Variants in SPAG9 observed in about 807,000 individuals in gnomAD.
SPAG9 encodes sperm associated antigen 9, also known as C-Jun-amino-terminal kinase-interacting protein 4.
In SPAG9, 35 loss-of-function variants were observed where a neutral mutation model predicts 166.5. The observed-to-expected ratio is 0.21, with a 90% CI of 0.16 to 0.28. The LOEUF is 0.28. Ranked by LOEUF, SPAG9 falls within the 10% of genes least tolerant of loss-of-function variation. The probability of loss-of-function intolerance (pLI) is 1.00; values close to 1 mark genes in which losing one functional copy is unlikely to be tolerated. For synonymous variants in SPAG9, 534 were observed against 565.5 expected, an observed-to-expected ratio of 0.94 and a Z score of 0.79; for missense variants, 1,235 against 1,603.3, an observed-to-expected ratio of 0.77 and a Z score of 3.92.
intron 8 of SPAG9, chr17:51,014,558 G>C: frequency 2.1e-6 from 1 of 466,402 alleles, no homozygotes; most frequent in Non-Finnish European, 3.8e-6. Context: ...AGAAATTATA[G>C]AATGTTTTTG....
chr17:51,011,582 C>A (rs2045992729), intron 9 of SPAG9, among the ~76,000 whole-genome samples: 4 of 152,030 alleles, frequency 2.6e-5, no homozygotes, highest in African/African-American at 9.7e-5. Context: ...GGGGTTTCAC[C>A]ATGTTGGCCA....
At chr17:51,100,090 ACT>A (rs1183312730) in intron 1 of SPAG9, among the ~76,000 whole-genome samples, 4 of 151,862 alleles carry the variant, frequency 2.6e-5, no homozygotes, top group South Asian at 2.1e-4. Context: ...ACAGAGTGAG[ACT>A]CTGTCTCCAA....
chr17:51,008,589 C>T (rs775458476), intron 9 of SPAG9, among the ~76,000 whole-genome samples: 10 of 152,066 alleles, frequency 6.6e-5, no homozygotes, highest in Non-Finnish European at 1.3e-4. Context: ...TTAAAAATTA[C>T]TTAAAACAAA....
chr17:51,046,721 G>C (rs939360376), intron 4 of SPAG9: 8 of 1,535,842 alleles, frequency 5.2e-6, no homozygotes, highest in Non-Finnish European at 6.1e-6. Flanking sequence ...GGCCAAAGGG[G>C]TATCTTTGTA....
In SPAG9 at chr17:51,006,177, C is replaced by G; in HGVS notation, c.1332G>C (p.Glu444Asp). 6.2e-7 allele frequency: 1 copy of G among 1,614,228 alleles called. No individual in the cohort carries two copies. The highest frequency in any genetic ancestry group is 8.5e-7 in the Non-Finnish European group (1 of 1,180,022). Residue 444 changes from glutamate to aspartate, a missense_variant, in exon 11 of 30, where the codon GAG (glutamate) becomes GAC (aspartate). By Grantham distance (45) the Glu-to-Asp change is conservative (BLOSUM62 2). Coordinates refer to ENST00000262013, the MANE Select transcript of SPAG9 (RefSeq NM_001130528.3). Reference protein sequence around the residue: ...LIAKVDELTCEKDVLQGELEA... With the variant: ...LIAKVDELTCDKDVLQGELEA... ...CCAATTCCCCTTGCAGCACATCTTT[C>G]TCACAGGTCAGTTCATCCACTTTTG...
rs1219566936 is a variant in SPAG9 at position 51,077,041 on chromosome 17, T to TCTAGCTAGCTAG, written c.424+2542_424+2543insCTAGCTAGCTAG. Among the ~76,000 whole-genome samples, 40 of 98,514 alleles carry TCTAGCTAGCTAG rather than the reference T, an allele frequency of 4.1e-4. No individual in the cohort carries two copies. In the South Asian group the frequency reaches 5.6e-3, roughly 14 times the overall value. The allele number at this position is 98,514 out of a possible 152,430, so 64.6% of individuals were successfully genotyped here. A position where few individuals can be genotyped will look rare whatever the true frequency, so the allele number is the denominator to read the frequency against. ...AGCTATCTAGCTATCTATCTAGCTA[T>TCTAGCTAGCTAG]CTAGCTATCTAGCTAGCTATCTAGC... On this transcript the variant is annotated intron_variant, in intron 2 of 29. Transcript: ENST00000262013.
intron 1 of SPAG9, among the ~76,000 whole-genome samples, chr17:51,105,874 A>C (rs1461652876): frequency 1.3e-5 from 2 of 151,368 alleles, no homozygotes; most frequent in Non-Finnish European, 2.9e-5. Context: ...CTCAAAAAAA[A>C]AGAGAAAAAG....
chr17:51,011,127 T>A (rs758429232), intron 9 of SPAG9, among the ~76,000 whole-genome samples: 2 of 152,010 alleles, frequency 1.3e-5, no homozygotes, highest in Non-Finnish European at 2.9e-5. Context: ...CCAATCAAGA[T>A]AAAGGACAAA....
chr17:50,998,111 C>G (rs1165968033), intron 15 of SPAG9, among the ~76,000 whole-genome samples: 1 of 146,368 alleles, frequency 6.8e-6, no homozygotes, highest in Non-Finnish European at 1.5e-5. Context: ...CGGCTCACTG[C>G]AACCCCGCCT....
At chr17:51,036,789 C>G (rs1237067574) in intron 5 of SPAG9, among the ~76,000 whole-genome samples, 1 of 152,162 alleles carries the variant, frequency 6.6e-6, no homozygotes, top group Non-Finnish European at 1.5e-5. Context: ...CCCACCCCTG[C>G]TCCTAAGCAC....
intron 9 of SPAG9, among the ~76,000 whole-genome samples, chr17:51,012,834 G>C (rs1012139344): frequency 6.6e-6 from 1 of 151,134 alleles, no homozygotes; most frequent in Non-Finnish European, 1.5e-5. Context: ...TGCAACCTCT[G>C]CCTCCCGGGT....
At chr17:51,110,928 A>C (rs367596986) in intron 1 of SPAG9, among the ~76,000 whole-genome samples, 239 of 152,228 alleles carry the variant, frequency 1.6e-3, no homozygotes, top group African/African-American at 5.6e-3. Context: ...CATCCTGGCT[A>C]ACGCAGTGAA....
At chr17:51,119,969 C>T (rs1226123296) in intron 1 of SPAG9, among the ~76,000 whole-genome samples, 2 of 152,226 alleles carry the variant, frequency 1.3e-5, no homozygotes, top group African/African-American at 2.4e-5. Flanking sequence ...GAAGTGTCCC[C>T]CTCCCCAAGG....
rs1447046180 is a variant in SPAG9, at chr17:51,025,073, C to T, written c.784-3708G>A. ...GTGGCTCACGCCTGTAATCCCAGCACTTTGGAAGGCCGAGATAGGTGGATT... is the reference window on the plus strand; with the variant it reads ...GTGGCTCACGCCTGTAATCCCAGCATTTTGGAAGGCCGAGATAGGTGGATT... On this transcript the variant is annotated intron_variant, in intron 6 of 29. Transcript: ENST00000262013. Among the ~76,000 whole-genome samples the T allele has an allele frequency of 6.0e-5, 9 of 150,472 alleles. No homozygotes were observed. In the East Asian group the frequency reaches 1.6e-3, roughly 26 times the overall value.
At chr17:51,037,366 G>A (rs2046629311) in intron 5 of SPAG9, among the ~76,000 whole-genome samples, 2 of 152,148 alleles carry the variant, frequency 1.3e-5, no homozygotes, top group South Asian at 4.1e-4. Flanking sequence ...GCTCAAGCCT[G>A]TAGTCCCAGG....
Position 50,984,926 on chromosome 17 carries a change from C to T in SPAG9, c.3085G>A (p.Val1029Met), listed in dbSNP as rs147652746. 6.8e-6 allele frequency: 11 copies of T among 1,613,624 alleles called. No homozygotes were observed. The East Asian group carries it at 8.9e-5, about 13-fold the overall frequency. ...TTATACACACATCACCACTCACCCA[C>T]TCCTCTGTGAAAGATTGCAAGGGTG... is the stretch of plus-strand genomic sequence containing the variant. ...DGTLAIFHRG[V>M]DGQWDLSNYH... is the part of the protein sequence containing the mutation. Residue 1029 changes from valine (V) to methionine (M), a missense_variant, in exon 24 of 30, where the codon GTG becomes ATG. Val to Met is a conservative substitution (Grantham distance 21). Coordinates refer to ENST00000262013, the MANE Select transcript of SPAG9 (RefSeq NM_001130528.3).
At chr17:51,064,068 AGAG>A (rs1464399117) in intron 2 of SPAG9, among the ~76,000 whole-genome samples, 3 of 152,222 alleles carry the variant, frequency 2.0e-5, no homozygotes, top group Admixed American at 6.5e-5. Flanking sequence ...CCACTCCAGT[AGAG>A]GAGTAAATGA....
intron 20 of SPAG9, 161 bp from the exon 21 acceptor site, chr17:50,990,033 T>C (rs965120759): frequency 2.0e-6 from 1 of 499,358 alleles, no homozygotes. Flanking sequence ...ATTACAGCAT[T>C]TTTTTTTTTT....
Position 50,979,786 on chromosome 17 carries a change from T to C in SPAG9, c.3369A>G (p.Leu1123=), listed in dbSNP as rs139499626. Residue 1123 remains leucine (L), a synonymous_variant, in exon 26 of 30, where the codon CTA becomes CTG. Transcript: ENST00000262013. ...CATAAGGCTCAATGTCCACATCCTG[T>C]AGATGTTGATAAGTGTGTGCATGAT... ...RLYHAHTYQH[L]QDVDIEPYVS... 117 of 1,613,934 alleles carry C rather than the reference T, an allele frequency of 7.2e-5. No individual in the cohort carries two copies. In the African/African-American group the frequency reaches 1.4e-3, roughly 19 times the overall value.
Sources: gnomAD v4.1 joint callset for allele counts (sites outside exome capture counted in the v4.1 genomes callset) on GRCh38, gnomAD v4.1.1 for gene constraint, MANE v1.5 for transcripts, NCBI Gene and HGNC (gene_info 2026-07-23, HGNC 2026-07-21) for gene names.